SEM1: variants seen among roughly 807,000 people sequenced by gnomAD.
SEM1 encodes SEM1 26S proteasome subunit.
Under a neutral mutation model 12.7 loss-of-function variants are expected in SEM1, and 3 were observed. The ratio of observed to expected loss-of-function variants is 0.24; its 90% CI spans 0.11 to 0.61. SEM1 has a LOEUF of 0.61. Ranked by LOEUF, SEM1 falls within the 20% of genes least tolerant of loss-of-function variation. SEM1 has a pLI of 0.88. For synonymous variants in SEM1, 30 were observed against 27.8 expected (o/e 1.08, Z -0.25); for missense variants, 59 against 81.3 (o/e 0.73, Z 1.06).
intron 2 of SEM1, among the ~76,000 whole-genome samples, chr7:96,623,996 C>T (rs1807977210): frequency 6.6e-6 from 1 of 152,088 alleles, no homozygotes; most frequent in African/African-American, 2.4e-5. Context: ...ATTTAGGGCC[C>T]ACTGGGATAA....
At chr7:96,702,481 C>T (rs1275926079) in intron 1 of SEM1, among the ~76,000 whole-genome samples, 1 of 152,148 alleles carries the variant, frequency 6.6e-6, no homozygotes, top group Non-Finnish European at 1.5e-5. Context: ...ATAATGGAGA[C>T]ATGGCAAAAG....
intron 1 of SEM1, among the ~76,000 whole-genome samples, chr7:96,491,309 C>T (rs979776143): frequency 2.6e-5 from 4 of 152,128 alleles, no homozygotes; most frequent in Non-Finnish European, 5.9e-5. Flanking sequence ...TCTAACCACA[C>T]GCTAATAGTT....
intron 2 of SEM1, among the ~76,000 whole-genome samples, chr7:96,517,479 G>T (rs1335460943): frequency 6.6e-6 from 1 of 152,032 alleles, no homozygotes; most frequent in Non-Finnish European, 1.5e-5. Flanking sequence ...ATGTATAGTT[G>T]AACTCTTCAA....
At chr7:96,685,158 T>C (rs1235605802), downstream of SEM1, among the ~76,000 whole-genome samples, 3 of 152,118 alleles carry the variant, frequency 2.0e-5, no homozygotes, top group Admixed American at 6.6e-5. Context: ...ATTATTAATA[T>C]AACATTCAAT....
chr7:96,526,849 GTCC>G (rs967075370), intron 2 of SEM1, among the ~76,000 whole-genome samples: 1 of 151,716 alleles, frequency 6.6e-6, no homozygotes, highest in Non-Finnish European at 1.5e-5. Context: ...AATGACAGTC[GTCC>G]TCCTCCTCCT....
intron 2 of SEM1, among the ~76,000 whole-genome samples, chr7:96,616,879 T>C (rs1026029289): frequency 6.6e-6 from 1 of 152,144 alleles, no homozygotes; most frequent in African/African-American, 2.4e-5. Context: ...TTATTACTGG[T>C]TCTCTATTCT....
intron 3 of SEM1, among the ~76,000 whole-genome samples, chr7:96,502,093 T>C (rs907565235): frequency 1.3e-5 from 2 of 152,174 alleles, no homozygotes; most frequent in Non-Finnish European, 2.9e-5. Context: ...ATTCCCATGA[T>C]GTACATGTGC....
In SEM1 at chr7:96,678,713, T is replaced by C. The variant is rs553506795; in HGVS notation, c.171-4854A>G. Among the ~76,000 whole-genome samples, 6 of 152,244 alleles carry C rather than the reference T, an allele frequency of 3.9e-5. No individual in the cohort carries two copies. The South Asian group carries it at 1.2e-3, about 32-fold the overall frequency. On this transcript the variant is annotated intron_variant, in intron 2 of 2. Coordinates refer to the SEM1 transcript ENST00000413065. ...CATTTAATTCCTGATTGACTATTCC[T>C]AAATTTTTCTGTACCTTGAAATAGT...
At position 96,648,909 on chromosome 7, in the gene SEM1, C is replaced by T. The variant is rs542797483; in HGVS notation, c.171-26266G>A. On this transcript the variant is annotated intron_variant, in intron 2 of 2. Transcript: ENST00000417009. Reference sequence around the variant, plus strand: ...GCTGTCTGAGCTTTCTCACATTGGGCCAAAACGGCCCAATGTTTTTTTCCC... The same window carrying T: ...GCTGTCTGAGCTTTCTCACATTGGGTCAAAACGGCCCAATGTTTTTTTCCC... 2.0e-5 allele frequency among the ~76,000 whole-genome samples: 3 copies of T among 152,304 alleles called. No individual in the cohort carries two copies. The South Asian group carries it at 6.2e-4, about 32-fold the overall frequency.
chr7:96,709,673 G>C lies in SEM1; in HGVS notation c.76+15C>G, dbSNP rs375847471. The C allele has an allele frequency of 2.5e-6, 4 of 1,612,398 alleles. No individual in the cohort carries two copies. Among genetic ancestry groups the C allele is most frequent in the South Asian group, 1.1e-5 (1 of 91,010 alleles). ...CACCGTTCGCGCGACACAGAAACCG[G>C]GGCCCAGCGGTTACCTTCGGCAGGG... On this transcript the variant is annotated intron_variant, in intron 1 of 2. Coordinates refer to ENST00000248566, the MANE Select transcript of SEM1 (RefSeq NM_006304.2).
chr7:96,705,899 T>C (rs2116044305), intron 1 of SEM1, among the ~76,000 whole-genome samples: 1 of 152,244 alleles, frequency 6.6e-6, no homozygotes, highest in East Asian at 1.9e-4. Flanking sequence ...ACCGTATGAT[T>C]TGAAAAATGA....
intron 2 of SEM1, among the ~76,000 whole-genome samples, chr7:96,665,269 C>A (rs528153476): frequency 1.3e-5 from 2 of 152,248 alleles, no homozygotes; most frequent in South Asian, 2.1e-4. Context: ...CAGTCACAGA[C>A]CCCTCTGCAA....
chr7:96,680,524 A>G (rs764831594), intron 2 of SEM1, among the ~76,000 whole-genome samples: 15 of 152,118 alleles, frequency 9.9e-5, no homozygotes, highest in Middle Eastern at 3.2e-3. Flanking sequence ...TGTGTTGTGC[A>G]CTACTGGAAT....
downstream of SEM1, among the ~76,000 whole-genome samples, chr7:96,670,651 G>A (rs1789291313): frequency 6.6e-6 from 1 of 152,172 alleles, no homozygotes; most frequent in Non-Finnish European, 1.5e-5. Flanking sequence ...CTAAACTGAA[G>A]CATTCTTTTG....
intron 2 of SEM1, among the ~76,000 whole-genome samples, chr7:96,551,714 AAAAAAAAAAG>A (rs1236599235): frequency 2.4e-4 from 26 of 106,222 alleles, no homozygotes; most frequent in African/African-American, 7.7e-4. Context: ...TCAAAAAAAA[AAAAAAAAAAG>A]AAAAGAAAAA....
intron 2 of SEM1, among the ~76,000 whole-genome samples, chr7:96,679,437 G>A (rs1272140658): frequency 6.6e-6 from 1 of 151,966 alleles, no homozygotes; most frequent in Non-Finnish European, 1.5e-5. Flanking sequence ...CTTTATTTAT[G>A]AACCCTAACA....
intron 2 of SEM1, among the ~76,000 whole-genome samples, chr7:96,485,846 CTCTGCATTCTTAATCATA>C (rs1486039631): frequency 1.2e-4 from 19 of 152,172 alleles, no homozygotes; most frequent in African/African-American, 4.6e-4. Context: ...GGCCTCCCAT[CTCTGCATTCTTAATCATA>C]TCTGCAAAAT....
chr7:96,581,166 T>C (rs1443303390), intron 2 of SEM1, among the ~76,000 whole-genome samples: 1 of 152,180 alleles, frequency 6.6e-6, no homozygotes, highest in East Asian at 1.9e-4. Flanking sequence ...AAGGAAGGGA[T>C]CCAGTTTCAG....
intron 2 of SEM1, among the ~76,000 whole-genome samples, chr7:96,614,067 G>A (rs945680188): frequency 2.6e-5 from 4 of 152,194 alleles, no homozygotes; most frequent in African/African-American, 7.2e-5. Context: ...ATGTGCAGAA[G>A]TGAGATTGCT....
Sources: gnomAD v4.1 joint callset for allele counts (sites outside exome capture counted in the v4.1 genomes callset) on GRCh38, gnomAD v4.1.1 for gene constraint, MANE v1.5 for transcripts, NCBI Gene and HGNC (gene_info 2026-07-23, HGNC 2026-07-21) for gene names.